The following RPL28 variants were observed in gnomAD, a reference collection of about 807,000 sequenced individuals.
The protein encoded by RPL28 is ribosomal protein L28.
In RPL28, 4 loss-of-function variants were observed where a neutral mutation model predicts 12.5. That is an observed-to-expected ratio of 0.32 (90% CI 0.16 to 0.73). The LOEUF is 0.73. Ranked by LOEUF, RPL28 falls within the 30% of genes least tolerant of loss-of-function variation. The probability of loss-of-function intolerance (pLI) is 0.66; values close to 1 mark genes in which losing one functional copy is unlikely to be tolerated. For missense variants in RPL28, 214 were observed against 197.7 expected, an observed-to-expected ratio of 1.08 and a Z score of -0.49; for synonymous variants, 91 against 72.5, an observed-to-expected ratio of 1.26 and a Z score of -1.30.
At position 55,390,013 on chromosome 19, in the gene RPL28, C is replaced by G; in HGVS notation, c.*1681C>G. 1 of 985,472 alleles carries G rather than the reference C, an allele frequency of 1.0e-6. No homozygotes were observed. Among genetic ancestry groups the G allele is most frequent in the Non-Finnish European group, 1.2e-6 (1 of 829,948 alleles). 61.0% of individuals were successfully genotyped at this position (985,472 alleles called of 1,614,324 possible). Reference sequence around the variant, plus strand: ...AGTAGATGGCCCCTTCTCGTGAGGCCTCTCCCCTGGCACCTGCTTCAGTTG... The same window carrying G: ...AGTAGATGGCCCCTTCTCGTGAGGCGTCTCCCCTGGCACCTGCTTCAGTTG... On this transcript the variant is annotated 3_prime_UTR_variant, in exon 5 of 5. Transcript: ENST00000344063.
chr19:55,389,499 G>A lies in RPL28; in HGVS notation c.*1167G>A, dbSNP rs532073981. 39 of 985,288 alleles carry A rather than the reference G, an allele frequency of 4.0e-5. No individual in the cohort carries two copies. The highest frequency in any genetic ancestry group is 3.1e-4 in the Admixed American group (5 of 16,260). 61.0% of individuals were successfully genotyped at this position (985,288 alleles called of 1,614,324 possible). On this transcript the variant is annotated 3_prime_UTR_variant, in exon 5 of 5. Coordinates refer to ENST00000344063, the MANE Select transcript of RPL28 (RefSeq NM_000991.5). ...GCCATCCTGGGGTACCCGATTCAAA[G>A]AAGGACTCTGCTCCCTGTCTGAGAC...
intron 4 of RPL28, chr19:55,400,740 A>G (rs773069167): frequency 9.2e-5 from 14 of 152,372 alleles, no homozygotes; most frequent in Non-Finnish European, 1.6e-4. Flanking sequence ...CAGACTTCCA[A>G]CACAAAGTCT....
chr19:55,397,556 A>G (rs1470257417), intron 4 of RPL28, among the ~76,000 whole-genome samples: 1 of 151,452 alleles, frequency 6.6e-6, no homozygotes. Context: ...ATTTTTTTGT[A>G]TTTTTAGTAG....
At position 55,390,623 on chromosome 19, in the gene RPL28, C is replaced by A; in HGVS notation, c.*2291C>A. The A allele has an allele frequency of 1.0e-6, 1 of 985,606 alleles. No individual in the cohort carries two copies. The highest frequency in any genetic ancestry group is 1.2e-6 in the Non-Finnish European group (1 of 830,058). 61.1% of individuals were successfully genotyped at this position (985,606 alleles called of 1,614,324 possible). On this transcript the variant is annotated 3_prime_UTR_variant, in exon 5 of 5. Transcript: ENST00000344063. ...GGCTTTCTCCATCCCTATCTGAATC[C>A]TCCCTGCTGTGTGGCCTCCCCTGGT... is the stretch of plus-strand genomic sequence containing the variant.
In RPL28 at chr19:55,389,544, GAGTA is replaced by G. The variant is rs2089969660; in HGVS notation, c.*1215_*1218del. On this transcript the variant is annotated 3_prime_UTR_variant, in exon 5 of 5. Transcript: ENST00000344063. ...TGAGACCACCCCCGGCTCTGACTGA[GAGTA>G]AGGGGACTGTCAGGGCCTCGACTTG... 2.7e-5 allele frequency: 27 copies of G among 985,348 alleles called. No individual in the cohort carries two copies. The highest frequency in any genetic ancestry group is 5.2e-4 in the Middle Eastern group (1 of 1,936). 61.0% of individuals were successfully genotyped at this position (985,348 alleles called of 1,614,324 possible). A position where few individuals can be genotyped will look rare whatever the true frequency, so the allele number is the denominator to read the frequency against.
At chr19:55,394,124 T>C (rs2090008702), downstream of RPL28, among the ~76,000 whole-genome samples, 1 of 151,900 alleles carries the variant, frequency 6.6e-6, no homozygotes, top group African/African-American at 2.4e-5. Flanking sequence ...TGGCCAGATG[T>C]GGTGGTGTGC....
intron 3 of RPL28, 70 bp from the exon 4 acceptor site, chr19:55,387,860 A>C: frequency 6.7e-7 from 1 of 1,501,724 alleles, no homozygotes; most frequent in South Asian, 1.4e-5. Context: ...GAGACTGTCC[A>C]CACCTGCGAG....
In RPL28 at chr19:55,390,861, T is replaced by C. The variant is rs573049991; in HGVS notation, c.*2529T>C. On this transcript the variant is annotated 3_prime_UTR_variant, in exon 5 of 5. Coordinates refer to ENST00000344063, the MANE Select transcript of RPL28 (RefSeq NM_000991.5). ...GCTGAGCAAACGTGGAGACACCATTTCCCTCCTCTAGACCTCATCTTGGAG... is the reference window on the plus strand; with the variant it reads ...GCTGAGCAAACGTGGAGACACCATTCCCCTCCTCTAGACCTCATCTTGGAG... 1.0e-6 allele frequency: 1 copy of C among 985,254 alleles called. No individual in the cohort carries two copies. Among genetic ancestry groups the C allele is most frequent in the Non-Finnish European group, 1.2e-6 (1 of 829,924 alleles). 61.0% of individuals were successfully genotyped at this position (985,254 alleles called of 1,614,324 possible). A position where few individuals can be genotyped will look rare whatever the true frequency, so the allele number is the denominator to read the frequency against.
chr19:55,401,452 G>A (rs780497000), intron 4 of RPL28: 6 of 1,604,800 alleles, frequency 3.7e-6, no homozygotes, highest in African/African-American at 2.7e-5. Flanking sequence ...CCGCCGCAGC[G>A]CCCGCTTCTT....
rs1457451657 is a variant in RPL28 at position 55,388,447 on chromosome 19, G to A, written c.*115G>A. The A allele has an allele frequency of 4.4e-6, 6 of 1,360,954 alleles. No individual in the cohort carries two copies. The Admixed American group carries it at 1.8e-4, about 42-fold the overall frequency. 84.3% of individuals were successfully genotyped at this position (1,360,954 alleles called of 1,614,324 possible). ...CCCTGTGTGTTGTCATTCAGGCCAT[G>A]TCATCAAAACTCTGCATGTCACCTT... is the stretch of plus-strand genomic sequence containing the variant. On this transcript the variant is annotated 3_prime_UTR_variant, in exon 5 of 5. Transcript: ENST00000344063.
At chr19:55,401,820 C>T (rs930535276) in intron 4 of RPL28, 1 of 1,591,682 alleles carries the variant, frequency 6.3e-7, no homozygotes, top group Non-Finnish European at 8.6e-7. Context: ...ACCCCCAGGC[C>T]TCCACAAGAG....
chr19:55,394,358 C>T (rs1312080715), downstream of RPL28, among the ~76,000 whole-genome samples: 1 of 149,910 alleles, frequency 6.7e-6, no homozygotes, highest in Non-Finnish European at 1.5e-5. Flanking sequence ...CTCCTGGGCT[C>T]AAACAATCCT....
chr19:55,393,458 T>A (rs2090004414), downstream of RPL28, among the ~76,000 whole-genome samples: 1 of 152,010 alleles, frequency 6.6e-6, no homozygotes, highest in African/African-American at 2.4e-5. Flanking sequence ...TAACATAAAG[T>A]CCACGCTTTT....
chr19:55,386,934 G>T, intron 3 of RPL28: 2 of 1,472,566 alleles, frequency 1.4e-6, no homozygotes, highest in South Asian at 2.7e-5. Flanking sequence ...GAACTTCCTC[G>T]GTGGTTGTTG....
chr19:55,392,075 C>T lies in RPL28; in HGVS notation c.*3743C>T. ...TAGCCAGTTACTAGAATAAAATCAT[C>T]TACTTTAAAATCTTTCATTATGAAA... On this transcript the variant is annotated 3_prime_UTR_variant, in exon 5 of 5. Coordinates refer to ENST00000344063, the MANE Select transcript of RPL28 (RefSeq NM_000991.5). 1 of 1,011,556 alleles carries T rather than the reference C, an allele frequency of 9.9e-7. No individual in the cohort carries two copies. The highest frequency in any genetic ancestry group is 1.2e-6 in the Non-Finnish European group (1 of 847,336). The allele number at this position is 1,011,556 out of a possible 1,614,324, so 62.7% of individuals were successfully genotyped here. A position where few individuals can be genotyped will look rare whatever the true frequency, so the allele number is the denominator to read the frequency against.
In RPL28 at chr19:55,391,479, G is replaced by C; in HGVS notation, c.*3147G>C. ...ACCCTGGAAGGCTGCCAAGCCCAAAGTTGTGCAGAGCGCTGGGGACTCCAG... is the reference window on the plus strand; with the variant it reads ...ACCCTGGAAGGCTGCCAAGCCCAAACTTGTGCAGAGCGCTGGGGACTCCAG... On this transcript the variant is annotated 3_prime_UTR_variant, in exon 5 of 5. Coordinates refer to ENST00000344063, the MANE Select transcript of RPL28 (RefSeq NM_000991.5). 1.4e-6 allele frequency: 2 copies of C among 1,383,002 alleles called. No individual in the cohort carries two copies. The highest frequency in any genetic ancestry group is 1.9e-6 in the Non-Finnish European group (2 of 1,056,778). 85.7% of individuals were successfully genotyped at this position (1,383,002 alleles called of 1,614,324 possible). A position where few individuals can be genotyped will look rare whatever the true frequency, so the allele number is the denominator to read the frequency against.
In RPL28 at chr19:55,390,158, A is replaced by G; in HGVS notation, c.*1826A>G. 1.9e-5 allele frequency: 19 copies of G among 985,390 alleles called. No homozygotes were observed. The highest frequency in any genetic ancestry group is 2.3e-5 in the Non-Finnish European group (19 of 829,956). The allele number at this position is 985,390 out of a possible 1,614,324, so 61.0% of individuals were successfully genotyped here. ...CAGCATATAATGAGATGCTTGATGA[A>G]TGGTGCATATTGAATGTATAAAGCC... On this transcript the variant is annotated 3_prime_UTR_variant, in exon 5 of 5. Coordinates refer to ENST00000344063, the MANE Select transcript of RPL28 (RefSeq NM_000991.5).
At chr19:55,387,734 C>T (rs76835403) in intron 3 of RPL28, 196 bp from the exon 4 acceptor site, 44,166 of 1,439,494 alleles carry the variant, frequency 0.031, 766 homozygotes, top group South Asian at 0.038. Flanking sequence ...GAAGCTGTGT[C>T]CTCAGTACTC....
Position 55,389,554 on chromosome 19 carries a change from A to G in RPL28, c.*1222A>G, listed in dbSNP as rs534400283. On this transcript the variant is annotated 3_prime_UTR_variant, in exon 5 of 5. Coordinates refer to ENST00000344063, the MANE Select transcript of RPL28 (RefSeq NM_000991.5). ...CCCGGCTCTGACTGAGAGTAAGGGGACTGTCAGGGCCTCGACTTGCCATTG... is the reference window on the plus strand; with the variant it reads ...CCCGGCTCTGACTGAGAGTAAGGGGGCTGTCAGGGCCTCGACTTGCCATTG... The G allele has an allele frequency of 4.3e-5, 42 of 985,432 alleles. 1 individual carries two copies. The Admixed American group carries it at 2.1e-3, about 49-fold the overall frequency. 61.0% of individuals were successfully genotyped at this position (985,432 alleles called of 1,614,324 possible).
Sources: gnomAD v4.1 joint callset for allele counts (sites outside exome capture counted in the v4.1 genomes callset) on GRCh38, gnomAD v4.1.1 for gene constraint, MANE v1.5 for transcripts, NCBI Gene and HGNC (gene_info 2026-07-23, HGNC 2026-07-21) for gene names.